The following SLC7A11 variants were observed in gnomAD, a reference collection of about 807,000 sequenced individuals.
SLC7A11 encodes the protein cystine/glutamate transporter.
SLC7A11 carries 35 observed loss-of-function variants against 54.5 expected under a neutral mutation model. That is an observed-to-expected ratio of 0.64 (90% CI 0.49 to 0.85). SLC7A11 has a LOEUF of 0.85. SLC7A11 is among the 40% of genes least tolerant of loss of function. The probability of loss-of-function intolerance (pLI) is 0.00; values close to 1 mark genes in which losing one functional copy is unlikely to be tolerated. For synonymous variants in SLC7A11, 230 were observed against 225.2 expected (o/e 1.02, Z -0.19); for missense variants, 583 against 618.1 (o/e 0.94, Z 0.60).
intron 6 of SLC7A11, among the ~76,000 whole-genome samples, chr4:138,208,968 C>G (rs528033055): frequency 4.6e-5 from 7 of 152,054 alleles, no homozygotes; most frequent in African/African-American, 1.7e-4. Flanking sequence ...GTCTCTCATT[C>G]GATACAACAC....
chr4:138,182,565 T>TA (rs1408816409), intron 8 of SLC7A11, among the ~76,000 whole-genome samples, 172 bp from the exon 9 acceptor site: 2 of 152,142 alleles, frequency 1.3e-5, no homozygotes, highest in Admixed American at 6.6e-5. Flanking sequence ...ATAGGAAATC[T>TA]AAATTTGGAT....
chr4:138,192,755 G>A (rs1384943444), intron 6 of SLC7A11, among the ~76,000 whole-genome samples: 1 of 151,994 alleles, frequency 6.6e-6, no homozygotes, highest in East Asian at 1.9e-4. Context: ...AGCTAGGAGA[G>A]AAAATAATTA....
chr4:138,221,904 T>C (rs1737822339), intron 4 of SLC7A11, among the ~76,000 whole-genome samples: 1 of 152,232 alleles, frequency 6.6e-6, no homozygotes, highest in African/African-American at 2.4e-5. Flanking sequence ...TTCTGCACTT[T>C]TCAAATACTG....
At chr4:138,230,940 C>T (rs183999419) in intron 3 of SLC7A11, among the ~76,000 whole-genome samples, 8 of 152,250 alleles carry the variant, frequency 5.3e-5, no homozygotes, top group Admixed American at 5.2e-4. Flanking sequence ...CTCTAGTCTC[C>T]TGGAACATCA....
chr4:138,182,494 T>C, intron 8 of SLC7A11, 101 bp from the exon 9 acceptor site: 2 of 699,340 alleles, frequency 2.9e-6, no homozygotes, highest in Non-Finnish European at 5.2e-6. Flanking sequence ...TCATACCAAA[T>C]GGTCAGGTAT....
Position 138,236,326 on chromosome 4 carries a change from G to A in SLC7A11, c.403C>T (p.Arg135Cys), listed in dbSNP as rs200429732. The change falls in exon 2 of 12, where the codon CGC (arginine) becomes TGC (cysteine). Residue 135 changes from arginine to cysteine, a missense_variant and splice_region_variant. Arg to Cys is a radical substitution (Grantham distance 180, BLOSUM62 -3). Coordinates refer to ENST00000280612, the MANE Select transcript of SLC7A11 (RefSeq NM_014331.4). ...VRVWVELLII[R>C]PAATAVISLA... is the part of the protein sequence containing the mutation. ...TAATTCTTTCTACTATGCTCTTACC[G>A]TATTATGAGGAGTTCCACCCAGACT... 4.4e-6 allele frequency: 7 copies of A among 1,604,954 alleles called. No individual in the cohort carries two copies. Among genetic ancestry groups the A allele is most frequent in the African/African-American group, 1.3e-5 (1 of 74,372 alleles).
At chr4:138,190,164 T>C (rs138873045) in intron 6 of SLC7A11, among the ~76,000 whole-genome samples, 36 of 152,202 alleles carry the variant, frequency 2.4e-4, no homozygotes, top group African/African-American at 7.0e-4. Context: ...CATTTGTGTG[T>C]TCTGGAGAGA....
At chr4:138,221,188 C>G (rs1054239315) in intron 4 of SLC7A11, among the ~76,000 whole-genome samples, 1 of 152,240 alleles carries the variant, frequency 6.6e-6, no homozygotes. Flanking sequence ...AAGCAAAGAT[C>G]TTCAAAAGTG....
At chr4:138,185,381 A>G in intron 6 of SLC7A11, 137 bp from the exon 7 acceptor site, 2 of 987,116 alleles carry the variant, frequency 2.0e-6, no homozygotes, top group Admixed American at 2.3e-5. Flanking sequence ...GTATGTATAA[A>G]CATTTCATCA....
intron 3 of SLC7A11, among the ~76,000 whole-genome samples, chr4:138,227,819 T>G (rs1284606847): frequency 6.6e-6 from 1 of 152,116 alleles, no homozygotes; most frequent in Non-Finnish European, 1.5e-5. Flanking sequence ...GACCCTTTGT[T>G]TCCACATTTT....
chr4:138,242,152 G>C lies in SLC7A11; in HGVS notation c.-83C>G, dbSNP rs142859237. 3 of 1,443,570 alleles carry C rather than the reference G, an allele frequency of 2.1e-6. No individual in the cohort carries two copies. The highest frequency in any genetic ancestry group is 4.1e-5 in the Admixed American group (2 of 48,698). The allele number at this position is 1,443,570 out of a possible 1,614,324, so 89.4% of individuals were successfully genotyped here. On this transcript the variant is annotated 5_prime_UTR_variant, in exon 1 of 12. The change creates a new upstream start codon in the 5' untranslated region. Transcript: ENST00000280612. ...TTGGTGTCTCTTGGTGTTACTGATC[G>C]ATGTCTTCCTCTGCTTTCAGACTGT...
At chr4:138,224,945 A>T (rs979278067) in intron 3 of SLC7A11, among the ~76,000 whole-genome samples, 44 of 151,902 alleles carry the variant, frequency 2.9e-4, no homozygotes, top group African/African-American at 1.1e-3. Flanking sequence ...TCAATTTTTT[A>T]AATTTATTTT....
At chr4:138,197,308 T>G (rs1737162021) in intron 6 of SLC7A11, among the ~76,000 whole-genome samples, 1 of 152,146 alleles carries the variant, frequency 6.6e-6, no homozygotes, top group East Asian at 1.9e-4. Context: ...TTTTGGCATT[T>G]GCTATGTTGT....
At chr4:138,228,484 C>G (rs558895422) in intron 3 of SLC7A11, among the ~76,000 whole-genome samples, 1 of 152,060 alleles carries the variant, frequency 6.6e-6, no homozygotes, top group Admixed American at 6.5e-5. Context: ...ACAGGTCGGG[C>G]GCGATGGCTC....
At chr4:138,222,902 T>C (rs1441169186) in intron 4 of SLC7A11, among the ~76,000 whole-genome samples, 1 of 103,360 alleles carries the variant, frequency 9.7e-6, no homozygotes, top group Non-Finnish European at 1.9e-5. Context: ...TAAAACTAAG[T>C]GGCAGGTTTT....
chr4:138,227,726 A>T lies in SLC7A11; in HGVS notation c.521-4402T>A, dbSNP rs79644278. ...TGAGGAAGTAGTTCAAAAGACATAC[A>T]TGATCCCCTTGGTGTACCTAGTTCT... On this transcript the variant is annotated intron_variant, in intron 3 of 11. Transcript: ENST00000280612. Among the ~76,000 whole-genome samples, 1,144 of 152,268 alleles carry T rather than the reference A, an allele frequency of 7.5e-3. 15 individuals are homozygous for T. The highest frequency in any genetic ancestry group is 0.025 in the African/African-American group (1,047 of 41,554).
In SLC7A11 at chr4:138,179,365, G is replaced by C. The variant is rs755087839; in HGVS notation, c.1296C>G (p.Ser432=). The change falls in exon 11 of 12, where the codon TCC becomes TCG. Residue 432 remains serine (S), a synonymous_variant. Coordinates refer to ENST00000280612, the MANE Select transcript of SLC7A11 (RefSeq NM_014331.4). ...GGGCAACCATGAAGAGGCATGTGAA[G>C]GAAAACAAAGCTGGGATGAACAGTG... ...KVPLFIPALF[S]FTCLFMVALS... 4.7e-5 allele frequency: 75 copies of C among 1,611,916 alleles called. No homozygotes were observed. The highest frequency in any genetic ancestry group is 6.0e-5 in the Non-Finnish European group (71 of 1,178,962).
chr4:138,196,857 A>G (rs1321063504), intron 6 of SLC7A11, among the ~76,000 whole-genome samples: 1 of 152,040 alleles, frequency 6.6e-6, no homozygotes, highest in Non-Finnish European at 1.5e-5. Flanking sequence ...ACAGGGTTTC[A>G]CCATGTTGGC....
chr4:138,219,502 T>G lies in SLC7A11; in HGVS notation c.647-137A>C, dbSNP rs1192891645. The G allele has an allele frequency of 1.3e-5, 8 of 615,670 alleles. No individual in the cohort carries two copies. The African/African-American group carries it at 1.5e-4, about 11-fold the overall frequency. The allele number at this position is 615,670 out of a possible 1,614,324, so 38.1% of individuals were successfully genotyped here. Reference sequence around the variant, plus strand: ...TACTCTCTGTTGATTACCATCTTTATCAATACTGTACCCATTCTATAGAAG... The same window carrying G: ...TACTCTCTGTTGATTACCATCTTTAGCAATACTGTACCCATTCTATAGAAG... On this transcript the variant is annotated intron_variant, in intron 4 of 11. Transcript: ENST00000280612.
Sources: gnomAD v4.1 joint callset for allele counts (sites outside exome capture counted in the v4.1 genomes callset) on GRCh38, gnomAD v4.1.1 for gene constraint, MANE v1.5 for transcripts, NCBI Gene and HGNC (gene_info 2026-07-23, HGNC 2026-07-21) for gene names.